Variants in FGF14 observed in about 807,000 individuals in gnomAD.
The protein encoded by FGF14 is fibroblast growth factor homologous factor 4.
In FGF14, 5 loss-of-function variants were observed where a neutral mutation model predicts 25.5. The ratio of observed to expected loss-of-function variants is 0.20; its 90% CI spans 0.10 to 0.41. The LOEUF is 0.41. Among genes scored for constraint, FGF14 ranks in the 10% least tolerant of loss-of-function variants. The pLI, the probability that FGF14 is intolerant of heterozygous loss-of-function variation, is 1.00. For missense variants in FGF14, 222 were observed against 320.1 expected (o/e 0.69, Z 2.34); for synonymous variants, 138 against 118.3 (o/e 1.17, Z -1.08).
intron 3 of FGF14, among the ~76,000 whole-genome samples, chr13:101,799,887 T>C (rs989557347): frequency 6.6e-6 from 1 of 152,112 alleles, no homozygotes; most frequent in African/African-American, 2.4e-5. Context: ...AATGATTTCA[T>C]GGAAATTACA....
At chr13:101,813,041 T>C (rs1307600160) in intron 3 of FGF14, among the ~76,000 whole-genome samples, 1 of 152,146 alleles carries the variant, frequency 6.6e-6, no homozygotes, top group East Asian at 1.9e-4. Flanking sequence ...TTTCTTTAAA[T>C]GTTGAAGTCA....
chr13:102,350,514 G>C (rs1309292345), intron 1 of FGF14, among the ~76,000 whole-genome samples: 1 of 152,164 alleles, frequency 6.6e-6, no homozygotes, highest in Non-Finnish European at 1.5e-5. Flanking sequence ...ACTCTGATGG[G>C]TCTTGTTTTC....
At chr13:102,374,981 T>C (rs922035077) in intron 1 of FGF14, among the ~76,000 whole-genome samples, 42 of 152,002 alleles carry the variant, frequency 2.8e-4, no homozygotes, top group African/African-American at 8.0e-4. Flanking sequence ...AATACACATT[T>C]GCTAAATTCT....
chr13:102,276,655 T>C (rs1289378558), intron 1 of FGF14, among the ~76,000 whole-genome samples: 1 of 152,088 alleles, frequency 6.6e-6, no homozygotes, highest in African/African-American at 2.4e-5. Flanking sequence ...CAGTCTTCTT[T>C]CTGAAACAGT....
At chr13:102,220,822 G>A (rs557293041) in intron 1 of FGF14, among the ~76,000 whole-genome samples, 22 of 152,264 alleles carry the variant, frequency 1.4e-4, no homozygotes, top group African/African-American at 3.1e-4. Flanking sequence ...ACATCAGCCC[G>A]GCTGGCTCTT....
intron 1 of FGF14, among the ~76,000 whole-genome samples, chr13:102,204,703 C>T (rs750297709): frequency 1.3e-5 from 2 of 152,010 alleles, no homozygotes; most frequent in African/African-American, 2.4e-5. Flanking sequence ...TGCACCACCA[C>T]GCCTGGCTAA....
intron 3 of FGF14, among the ~76,000 whole-genome samples, chr13:101,809,362 C>G (rs1421643406): frequency 6.6e-6 from 1 of 152,096 alleles, no homozygotes. Flanking sequence ...TCAATAGTCT[C>G]ATGTCCTATC....
chr13:102,158,620 C>T (rs189693716), intron 1 of FGF14, among the ~76,000 whole-genome samples: 2,040 of 151,438 alleles, frequency 0.013, 46 homozygotes, highest in African/African-American at 0.047. Flanking sequence ...TGTATACATA[C>T]GTAACAGACC....
chr13:101,991,027 G>A (rs965649708), intron 1 of FGF14, among the ~76,000 whole-genome samples: 3 of 151,956 alleles, frequency 2.0e-5, no homozygotes, highest in Non-Finnish European at 2.9e-5. Flanking sequence ...TTTTAACCTT[G>A]GAGCACAATG....
intron 3 of FGF14, among the ~76,000 whole-genome samples, chr13:101,862,912 C>T (rs923665767): frequency 2.6e-5 from 4 of 151,888 alleles, no homozygotes; most frequent in Non-Finnish European, 4.4e-5. Flanking sequence ...AAAGTATGTG[C>T]AAATGTAAAA....
intron 3 of FGF14, among the ~76,000 whole-genome samples, chr13:101,815,756 A>G (rs181951156): frequency 3.9e-5 from 6 of 152,126 alleles, no homozygotes; most frequent in Admixed American, 3.9e-4. Context: ...ATTTCTCCTA[A>G]GCACTTTATC....
chr13:101,882,572 C>T (rs1160417610), intron 1 of FGF14, among the ~76,000 whole-genome samples: 3 of 149,766 alleles, frequency 2.0e-5, no homozygotes, highest in Non-Finnish European at 4.4e-5. Context: ...TATACATTTG[C>T]TTTAGAGCCA....
chr13:102,054,690 G>A (rs1015559932), intron 1 of FGF14, among the ~76,000 whole-genome samples: 3 of 152,108 alleles, frequency 2.0e-5, no homozygotes, highest in Non-Finnish European at 2.9e-5. Context: ...CATCGCATCT[G>A]GATGTCTAAA....
intron 3 of FGF14, among the ~76,000 whole-genome samples, chr13:101,797,747 G>A (rs974460521): frequency 6.1e-5 from 9 of 146,928 alleles, no homozygotes; most frequent in East Asian, 2.0e-4. Flanking sequence ...GTGTGTGTGT[G>A]TGTGTGTGTG....
chr13:102,027,870 C>T (rs1349979732), intron 1 of FGF14, among the ~76,000 whole-genome samples: 2 of 151,986 alleles, frequency 1.3e-5, no homozygotes, highest in Non-Finnish European at 2.9e-5. Flanking sequence ...CTCTCGATGA[C>T]TATTATTGTT....
At chr13:102,372,237 C>T (rs1009229015) in intron 1 of FGF14, among the ~76,000 whole-genome samples, 5 of 152,180 alleles carry the variant, frequency 3.3e-5, no homozygotes, top group East Asian at 3.9e-4. Context: ...CTACATAGCA[C>T]GTAGGTAGGG....
At chr13:101,745,045 G>A (rs2036798681) in intron 3 of FGF14, among the ~76,000 whole-genome samples, 2 of 152,042 alleles carry the variant, frequency 1.3e-5, no homozygotes, top group Admixed American at 1.3e-4. Context: ...TCCTGATTCT[G>A]TAGGGGTTCA....
intron 3 of FGF14, among the ~76,000 whole-genome samples, chr13:101,740,185 T>C (rs1307020773): frequency 2.6e-5 from 4 of 152,204 alleles, no homozygotes; most frequent in South Asian, 2.1e-4. Flanking sequence ...CTTGCCGATG[T>C]TCCCAGCTGA....
Position 102,152,165 on chromosome 13 carries a change from A to G in FGF14, c.208+249306T>C, listed in dbSNP as rs1478181740. Among the ~76,000 whole-genome samples, 92 of 152,154 alleles carry G rather than the reference A, an allele frequency of 6.0e-4. 1 individual carries two copies. Among genetic ancestry groups the G allele is most frequent in the Admixed American group, 6.0e-3 (92 of 15,256 alleles). ...GAAAGTGAAAATGGTGGTTTTCTTT[A>G]TCAAGGCTAATTTTTTGCTACTGAT... On this transcript the variant is annotated intron_variant, in intron 1 of 4. Coordinates refer to the FGF14 transcript ENST00000376131.
Sources: allele counts gnomAD v4.1 joint callset (sites outside exome capture counted in the v4.1 genomes callset), GRCh38; gene constraint gnomAD v4.1.1; transcripts MANE v1.5; gene names NCBI Gene and HGNC (gene_info 2026-07-23, HGNC 2026-07-21).